TTC3: variants seen among roughly 807,000 people sequenced by gnomAD.
The protein encoded by TTC3 is tetratricopeptide repeat domain 3.
Under a neutral mutation model 249.6 loss-of-function variants are expected in TTC3, and 180 were observed. The observed-to-expected ratio is 0.72, with a 90% CI of 0.64 to 0.82. The LOEUF is 0.82. TTC3 is among the 40% of genes least tolerant of loss of function. The pLI is 0.00. For missense variants in TTC3, 2,061 were observed against 2,398.4 expected, an observed-to-expected ratio of 0.86 and a Z score of 2.94; for synonymous variants, 717 against 805.0, an observed-to-expected ratio of 0.89 and a Z score of 1.85.
intron 18 of TTC3, among the ~76,000 whole-genome samples, chr21:37,137,575 A>G (rs188164705): frequency 1.4e-4 from 21 of 152,280 alleles, no homozygotes; most frequent in Non-Finnish European, 2.8e-4. Context: ...CTTTTTATAC[A>G]TGAACAAAAA....
chr21:37,186,557 C>G (rs1471466762), intron 37 of TTC3, among the ~76,000 whole-genome samples: 1 of 152,206 alleles, frequency 6.6e-6, no homozygotes, highest in Non-Finnish European at 1.5e-5. Context: ...TCTCTCGCCT[C>G]AGCCTCTCGA....
At chr21:37,189,404 C>G (rs2083720113) in intron 39 of TTC3, among the ~76,000 whole-genome samples, 1 of 151,888 alleles carries the variant, frequency 6.6e-6, no homozygotes, top group African/African-American at 2.4e-5. Flanking sequence ...TGCCACATGC[C>G]CAGCTAATTT....
At chr21:37,152,169 T>C (rs2079528594) in intron 26 of TTC3, 140 bp downstream of exon 26, 2 of 1,049,388 alleles carry the variant, frequency 1.9e-6, no homozygotes. Context: ...ATCACTGTCT[T>C]CTGTTACTCG....
exon 33 of TTC3, chr21:37,166,441 C>G (rs367666922): frequency 1.2e-6 from 2 of 1,614,028 alleles, no homozygotes; most frequent in African/African-American, 2.7e-5. Context: ...TCCTTGAGGG[C>G]TCTTTGGGAA....
chr21:37,126,139 A>G (rs2077029770), exon 15 of TTC3: 4 of 1,611,556 alleles, frequency 2.5e-6, no homozygotes, highest in Non-Finnish European at 2.5e-6. Flanking sequence ...TTTCACCACC[A>G]TCAAGTGAGT....
intron 1 of TTC3, among the ~76,000 whole-genome samples, chr21:37,085,591 G>A (rs1156407068): frequency 6.6e-6 from 1 of 152,220 alleles, no homozygotes; most frequent in African/African-American, 2.4e-5. Flanking sequence ...TGGTCAGAGA[G>A]GAGCTAATAA....
rs1401053998 is a variant in TTC3, at chr21:37,200,398, G to A, written c.5943+74G>A. On this transcript the variant is annotated intron_variant, in intron 45 of 45. Coordinates refer to ENST00000355666, the Ensembl canonical transcript of TTC3. Reference sequence around the variant, plus strand: ...ATATTTTCAAAATAAGAAAGGAATTGTTTTCTAGTCATCAGTATTTATTGT... The same window carrying A: ...ATATTTTCAAAATAAGAAAGGAATTATTTTCTAGTCATCAGTATTTATTGT... 6 of 1,466,570 alleles carry A rather than the reference G, an allele frequency of 4.1e-6. No homozygotes were observed. In the East Asian group the frequency reaches 1.4e-4, roughly 34 times the overall value. 90.8% of individuals were successfully genotyped at this position (1,466,570 alleles called of 1,614,324 possible). A position where few individuals can be genotyped will look rare whatever the true frequency, so the allele number is the denominator to read the frequency against.
At chr21:37,139,827 T>C (rs956685388) in intron 19 of TTC3, among the ~76,000 whole-genome samples, 20 of 152,134 alleles carry the variant, frequency 1.3e-4, no homozygotes, top group African/African-American at 4.1e-4. Context: ...AAATGTGTTA[T>C]AGTAGAACTT....
At chr21:37,108,631 C>A (rs566559714) in intron 11 of TTC3, among the ~76,000 whole-genome samples, 185 bp downstream of exon 11, 1 of 152,090 alleles carries the variant, frequency 6.6e-6, no homozygotes, top group Admixed American at 6.5e-5. Context: ...ACAGGCTGTG[C>A]GTGAGGACAG....
At chr21:37,134,331 G>C (rs2077730762) in intron 17 of TTC3, among the ~76,000 whole-genome samples, 1 of 151,932 alleles carries the variant, frequency 6.6e-6, no homozygotes, top group Non-Finnish European at 1.5e-5. Flanking sequence ...TGCACCTGTA[G>C]TCCTAGCTAC....
intron 41 of TTC3, chr21:37,194,556 G>A (rs531439960): frequency 6.6e-6 from 1 of 152,192 alleles, no homozygotes; most frequent in African/African-American, 2.4e-5. Flanking sequence ...CCATAGAGAA[G>A]CAATATATTG....
At chr21:37,132,019 G>T (rs773938369) in intron 16 of TTC3, among the ~76,000 whole-genome samples, 3 of 152,130 alleles carry the variant, frequency 2.0e-5, no homozygotes, top group Non-Finnish European at 4.4e-5. Context: ...GTTGTTACTA[G>T]TGACTACAGA....
At chr21:37,193,365 GA>G (rs5843814) in intron 41 of TTC3, among the ~76,000 whole-genome samples, 1 of 149,626 alleles carries the variant, frequency 6.7e-6, no homozygotes, top group Non-Finnish European at 1.5e-5. Context: ...GAATTCATCT[GA>G]AAAAAAAAAA....
At chr21:37,147,523 G>A (rs1163225936) in exon 22 of TTC3, 2 of 1,610,426 alleles carry the variant, frequency 1.2e-6, no homozygotes, top group African/African-American at 2.7e-5. Context: ...GTTCCCTCCA[G>A]TGCCAGATGC....
At chr21:37,172,652 G>A (rs764255369) in exon 35 of TTC3, 11 of 1,614,040 alleles carry the variant, frequency 6.8e-6, no homozygotes, top group South Asian at 4.4e-5. Context: ...ACTTCAAGAA[G>A]TGTATGAAAA....
At chr21:37,095,255 C>A in intron 8 of TTC3, 95 bp from the exon 9 acceptor site, 2 of 739,308 alleles carry the variant, frequency 2.7e-6, no homozygotes, top group Non-Finnish European at 2.3e-6. Flanking sequence ...TTTCTGATAT[C>A]GAAGATAGAA....
At chr21:37,092,180 A>G (rs73407943) in intron 7 of TTC3, among the ~76,000 whole-genome samples, 3,059 of 152,342 alleles carry the variant, frequency 0.02, 100 homozygotes, top group African/African-American at 0.07. Context: ...GTGTTTTTAT[A>G]GTATAGTTAT....
At chr21:37,131,779 A>G (rs1471097022) in intron 16 of TTC3, among the ~76,000 whole-genome samples, 2 of 152,180 alleles carry the variant, frequency 1.3e-5, no homozygotes, top group East Asian at 1.9e-4. Flanking sequence ...TTTGTGTTGG[A>G]CAGTTGAATT....
At chr21:37,200,368 TTCAAA>T (rs572587093) in intron 45 of TTC3, 44 bp downstream of exon 45, 783 of 1,533,808 alleles carry the variant, frequency 5.1e-4, no homozygotes, top group Non-Finnish European at 6.7e-4. Flanking sequence ...CATTGGGACC[TTCAAA>T]TATTTTCAAA....
Sources: allele counts gnomAD v4.1 joint callset (sites outside exome capture counted in the v4.1 genomes callset), GRCh38; gene constraint gnomAD v4.1.1; transcripts MANE v1.5; gene names NCBI Gene and HGNC (gene_info 2026-07-23, HGNC 2026-07-21).